The following SHANK2 variants were observed in gnomAD, a reference collection of about 807,000 sequenced individuals.
SHANK2 encodes SH3 and multiple ankyrin repeat domains protein 2.
A neutral mutation model predicts 133.7 loss-of-function variants in SHANK2; 43 were observed. The ratio of observed to expected loss-of-function variants is 0.32; its 90% CI spans 0.25 to 0.41. The LOEUF is 0.41. SHANK2 is among the 10% of genes least tolerant of loss of function. The pLI is 1.00. For synonymous variants in SHANK2, 1,017 were observed against 952.8 expected (o/e 1.07, Z -1.24); for missense variants, 1,994 against 2,235.8 (o/e 0.89, Z 2.18).
intron 17 of SHANK2, among the ~76,000 whole-genome samples, chr11:70,515,220 G>A (rs1308873346): frequency 3.3e-5 from 5 of 152,120 alleles, no homozygotes; most frequent in Admixed American, 2.0e-4. Context: ...TGTATTCTGT[G>A]TAGAAATGTG....
In SHANK2 at chr11:70,718,376, T is replaced by C. The variant is rs553013750; in HGVS notation, c.1778-19613A>G. 2.9e-3 allele frequency among the ~76,000 whole-genome samples: 446 copies of C among 152,330 alleles called. 1 individual carries two copies. The highest frequency in any genetic ancestry group is 0.01 in the African/African-American group (424 of 41,576). On this transcript the variant is annotated intron_variant, in intron 14 of 25. Coordinates refer to ENST00000601538, the MANE Select transcript of SHANK2 (RefSeq NM_012309.5). ...TACGCTGGAGGGAAGGAACTGCGCC[T>C]CGGTGGAGGTGGCCCTGGCCCAAGG...
chr11:71,112,510 A>T (rs1565458085), intron 5 of SHANK2, among the ~76,000 whole-genome samples: 1 of 152,076 alleles, frequency 6.6e-6, no homozygotes, highest in Non-Finnish European at 1.5e-5. Context: ...GCTGCAGGGG[A>T]GCTCACCTGG....
chr11:70,515,001 ATG>A (rs1455777196), intron 17 of SHANK2, among the ~76,000 whole-genome samples: 1 of 152,246 alleles, frequency 6.6e-6, no homozygotes, highest in Non-Finnish European at 1.5e-5. Flanking sequence ...GAGTTAATAA[ATG>A]AGAAAAGACA....
chr11:71,151,927 CA>C (rs137986814), intron 2 of SHANK2, among the ~76,000 whole-genome samples: 3,545 of 152,286 alleles, frequency 0.023, 134 homozygotes, highest in African/African-American at 0.081. Flanking sequence ...CAAGAGCAGT[CA>C]GGGGGGCACG....
chr11:71,240,489 G>A (rs1555124266), intron 1 of SHANK2, among the ~76,000 whole-genome samples: 3 of 152,188 alleles, frequency 2.0e-5, no homozygotes, highest in African/African-American at 4.8e-5. Context: ...GGTGGCGGTG[G>A]AGGCGGGGAC....
chr11:71,156,047 A>G (rs1555109053), intron 2 of SHANK2, among the ~76,000 whole-genome samples: 1 of 152,226 alleles, frequency 6.6e-6, no homozygotes. Flanking sequence ...CAGAGGGATG[A>G]TCACAGGAAG....
At chr11:70,824,536 C>G (rs939753540) in intron 11 of SHANK2, among the ~76,000 whole-genome samples, 1 of 152,136 alleles carries the variant, frequency 6.6e-6, no homozygotes, top group Non-Finnish European at 1.5e-5. Context: ...AAGCTGACGG[C>G]ACTCTCCGTG....
chr11:70,845,505 G>A (rs561578133), intron 11 of SHANK2, among the ~76,000 whole-genome samples: 1 of 152,208 alleles, frequency 6.6e-6, no homozygotes, highest in East Asian at 1.9e-4. Flanking sequence ...TATTGGCCCC[G>A]GGGCCAGCAC....
At chr11:71,185,293 G>A (rs566183503) in intron 2 of SHANK2, among the ~76,000 whole-genome samples, 137 of 152,280 alleles carry the variant, frequency 9.0e-4, no homozygotes, top group African/African-American at 3.1e-3. Flanking sequence ...CAGGCAGAGC[G>A]TTGAGACACT....
At chr11:70,706,860 C>T (rs1435982114) in intron 14 of SHANK2, among the ~76,000 whole-genome samples, 2 of 152,118 alleles carry the variant, frequency 1.3e-5, no homozygotes, top group Admixed American at 1.3e-4. Flanking sequence ...TAAAATAGAC[C>T]TTTAAGCAGG....
intron 2 of SHANK2, among the ~76,000 whole-genome samples, chr11:71,217,565 G>A (rs1555120169): frequency 1.3e-5 from 2 of 152,068 alleles, no homozygotes; most frequent in African/African-American, 4.8e-5. Flanking sequence ...TCTAGAGGAA[G>A]GCACTGTAAT....
rs1183133401 is a variant in SHANK2, at chr11:71,214,330, G to T, written c.-13+10367C>A. On this transcript the variant is annotated intron_variant, in intron 2 of 25. Coordinates refer to ENST00000601538, the MANE Select transcript of SHANK2 (RefSeq NM_012309.5). The stretch of plus-strand genomic sequence containing the variant: ...CAGCAAGGAAGACAGTTTCCACGCA[G>T]GTGAGGAACCGCGTGCTGGCTCCCC... Among the ~76,000 whole-genome samples the T allele has an allele frequency of 3.3e-5, 5 of 152,178 alleles. No individual in the cohort carries two copies. In the East Asian group the frequency reaches 9.6e-4, roughly 29 times the overall value.
intron 22 of SHANK2, among the ~76,000 whole-genome samples, chr11:70,491,793 C>G (rs1007149022): frequency 6.6e-6 from 1 of 152,210 alleles, no homozygotes; most frequent in East Asian, 1.9e-4. Context: ...GTGTGCCCTC[C>G]TGACTGCCTA....
At chr11:70,774,679 G>A (rs151002236) in intron 14 of SHANK2, among the ~76,000 whole-genome samples, 1 of 152,140 alleles carries the variant, frequency 6.6e-6, no homozygotes, top group African/African-American at 2.4e-5. Flanking sequence ...AGATTAGAGA[G>A]TGGTGATGTT....
chr11:71,128,286 A>G (rs548260115), intron 3 of SHANK2, among the ~76,000 whole-genome samples: 3 of 152,196 alleles, frequency 2.0e-5, no homozygotes, highest in African/African-American at 7.2e-5. Flanking sequence ...CTGTCACTCA[A>G]TCTCCTAAAG....
At chr11:70,918,366 T>C (rs982048731) in intron 10 of SHANK2, among the ~76,000 whole-genome samples, 1 of 152,246 alleles carries the variant, frequency 6.6e-6, no homozygotes, top group Non-Finnish European at 1.5e-5. Context: ...ATACAATTTA[T>C]GTCCTAGAAT....
chr11:71,138,618 A>G (rs782558833), intron 3 of SHANK2, among the ~76,000 whole-genome samples: 1 of 151,326 alleles, frequency 6.6e-6, no homozygotes, highest in Non-Finnish European at 1.5e-5. Context: ...GGAGTTCGAA[A>G]CCTCTCTGGA....
chr11:70,832,501 G>A (rs998697956), intron 11 of SHANK2, among the ~76,000 whole-genome samples: 7 of 152,322 alleles, frequency 4.6e-5, no homozygotes, highest in South Asian at 4.1e-4. Flanking sequence ...GGCAGGTTCC[G>A]TGTCCAGCCC....
chr11:70,797,906 AT>A (rs1947952631), intron 14 of SHANK2, among the ~76,000 whole-genome samples: 1 of 151,328 alleles, frequency 6.6e-6, no homozygotes, highest in Non-Finnish European at 1.5e-5. Context: ...TCCTCTTCAC[AT>A]TTTAATCAGT....
Sources: gnomAD v4.1 joint callset for allele counts (sites outside exome capture counted in the v4.1 genomes callset) on GRCh38, gnomAD v4.1.1 for gene constraint, MANE v1.5 for transcripts, NCBI Gene and HGNC (gene_info 2026-07-23, HGNC 2026-07-21) for gene names.